Variants in CHCHD6 observed in about 807,000 individuals in gnomAD.
The protein encoded by CHCHD6 is MICOS complex subunit MIC25.
A neutral mutation model predicts 32.3 loss-of-function variants in CHCHD6; 28 were observed. The observed-to-expected ratio is 0.87, with a 90% CI of 0.64 to 1.19. The LOEUF is 1.19. CHCHD6 is among the 50% of genes most tolerant of loss of function. The pLI is 0.00. For synonymous variants in CHCHD6, 122 were observed against 117.5 expected, an observed-to-expected ratio of 1.04 and a Z score of -0.25; for missense variants, 333 against 307.0, an observed-to-expected ratio of 1.08 and a Z score of -0.63.
At chr3:126,932,179 G>T (rs995366388) in intron 6 of CHCHD6, among the ~76,000 whole-genome samples, 1 of 152,144 alleles carries the variant, frequency 6.6e-6, no homozygotes, top group South Asian at 2.1e-4. Context: ...CCTGCTGCCC[G>T]TAGCACCTCT....
chr3:126,746,504 C>T (rs1395459882), intron 4 of CHCHD6, among the ~76,000 whole-genome samples: 4 of 152,130 alleles, frequency 2.6e-5, no homozygotes, highest in African/African-American at 4.8e-5. Context: ...GCTTGGTGTG[C>T]GAGTGCATCC....
chr3:126,949,274 C>T (rs1021857301), intron 6 of CHCHD6: 2 of 166,538 alleles, frequency 1.2e-5, no homozygotes, highest in African/African-American at 2.4e-5. Flanking sequence ...ACAGGCAACA[C>T]TTCATAACCC....
At chr3:126,952,907 T>A in intron 6 of CHCHD6, 1 of 943,928 alleles carries the variant, frequency 1.1e-6, no homozygotes, top group Non-Finnish European at 1.3e-6. Flanking sequence ...TGCGGCCTGC[T>A]TGCCAGGGAC....
intron 1 of CHCHD6, among the ~76,000 whole-genome samples, chr3:126,715,110 G>C (rs1934948610): frequency 1.3e-5 from 2 of 152,192 alleles, no homozygotes; most frequent in African/African-American, 4.8e-5. Context: ...CCATAAAGCA[G>C]TCGGTGGAGG....
At chr3:126,913,146 A>G (rs2078117747) in intron 5 of CHCHD6, among the ~76,000 whole-genome samples, 1 of 143,032 alleles carries the variant, frequency 7.0e-6, no homozygotes, top group South Asian at 2.4e-4. Flanking sequence ...TAGGTACCTG[A>G]GACCTGAAGC....
At chr3:126,722,184 C>T (rs942995651) in intron 1 of CHCHD6, among the ~76,000 whole-genome samples, 5 of 152,176 alleles carry the variant, frequency 3.3e-5, no homozygotes, top group Non-Finnish European at 7.3e-5. Context: ...AGAAACAGAG[C>T]CTCACCTGTT....
At chr3:126,711,852 G>T (rs530742676) in intron 1 of CHCHD6, among the ~76,000 whole-genome samples, 1 of 152,218 alleles carries the variant, frequency 6.6e-6, no homozygotes, top group Non-Finnish European at 1.5e-5. Flanking sequence ...TCAATGAACA[G>T]TATCTGCTTC....
chr3:126,745,851 G>A (rs568007020), intron 4 of CHCHD6, among the ~76,000 whole-genome samples: 11 of 152,312 alleles, frequency 7.2e-5, no homozygotes, highest in African/African-American at 2.6e-4. Flanking sequence ...CTGATGCCAG[G>A]ACTGGCTTGT....
chr3:126,918,369 A>T (rs577821774), intron 6 of CHCHD6, among the ~76,000 whole-genome samples: 1 of 152,354 alleles, frequency 6.6e-6, no homozygotes, highest in East Asian at 1.9e-4. Flanking sequence ...ATACACATGT[A>T]TAGAGTGCCT....
intron 4 of CHCHD6, among the ~76,000 whole-genome samples, chr3:126,833,774 G>A (rs1262662812): frequency 6.6e-6 from 1 of 152,182 alleles, no homozygotes; most frequent in Non-Finnish European, 1.5e-5. Flanking sequence ...CCAATAACGT[G>A]GCCGGGCGCG....
At chr3:126,794,906 C>T (rs1938720855) in intron 4 of CHCHD6, among the ~76,000 whole-genome samples, 1 of 152,154 alleles carries the variant, frequency 6.6e-6, no homozygotes, top group South Asian at 2.1e-4. Flanking sequence ...CATTTGTTAC[C>T]TTGGGTTGAA....
chr3:126,822,872 A>G (rs1229501167), intron 4 of CHCHD6, among the ~76,000 whole-genome samples: 1 of 151,542 alleles, frequency 6.6e-6, no homozygotes, highest in Non-Finnish European at 1.5e-5. Context: ...TTGTAGCTTT[A>G]TGGTAGTTGT....
intron 4 of CHCHD6, among the ~76,000 whole-genome samples, chr3:126,745,840 G>C (rs901247422): frequency 6.6e-6 from 1 of 152,190 alleles, no homozygotes; most frequent in African/African-American, 2.4e-5. Flanking sequence ...TTGCATTCTT[G>C]CTGATGCCAG....
chr3:126,852,777 C>T (rs373494168), intron 5 of CHCHD6, 47 bp downstream of exon 5: 38 of 1,304,388 alleles, frequency 2.9e-5, no homozygotes, highest in Non-Finnish European at 4.0e-5. Flanking sequence ...GTCCTAAAGG[C>T]ATCTGACCAG....
At chr3:126,953,030 C>T in intron 6 of CHCHD6, 1 of 985,456 alleles carries the variant, frequency 1.0e-6, no homozygotes, top group Non-Finnish European at 1.2e-6. Context: ...TTCAGGGCCA[C>T]ACTGCGTTAC....
At chr3:126,763,683 T>C (rs148027591) in intron 4 of CHCHD6, among the ~76,000 whole-genome samples, 176 of 152,264 alleles carry the variant, frequency 1.2e-3, no homozygotes, top group Admixed American at 2.9e-3. Context: ...TTCTTTGTGG[T>C]TACAATGGGG....
chr3:126,959,273 A>G (rs2078828610), intron 7 of CHCHD6, among the ~76,000 whole-genome samples: 1 of 152,350 alleles, frequency 6.6e-6, no homozygotes, highest in Middle Eastern at 3.4e-3. Context: ...ATGACTAGCA[A>G]AGAAACCAGA....
chr3:126,732,064 G>A (rs999891087), intron 3 of CHCHD6, among the ~76,000 whole-genome samples: 1 of 133,268 alleles, frequency 7.5e-6, no homozygotes, highest in African/African-American at 2.8e-5. Context: ...GGACCACATT[G>A]TGAGACCCAA....
intron 6 of CHCHD6, among the ~76,000 whole-genome samples, chr3:126,944,558 C>G (rs1426575845): frequency 1.3e-5 from 2 of 152,224 alleles, no homozygotes; most frequent in African/African-American, 4.8e-5. Flanking sequence ...TGTCACAGGA[C>G]CCTCTCAGGT....
Sources: allele counts gnomAD v4.1 joint callset (sites outside exome capture counted in the v4.1 genomes callset), GRCh38; gene constraint gnomAD v4.1.1; transcripts MANE v1.5; gene names NCBI Gene and HGNC (gene_info 2026-07-23, HGNC 2026-07-21).